The following ATP2B2 variants were observed in gnomAD, a reference collection of about 807,000 sequenced individuals.
The protein encoded by ATP2B2 is ATPase plasma membrane Ca2+ transporting 2, also known as plasma membrane calcium-transporting ATPase 2.
ATP2B2 carries 15 observed loss-of-function variants against 120.0 expected under a neutral mutation model. That is an observed-to-expected ratio of 0.12 (90% CI 0.08 to 0.19). ATP2B2 has a LOEUF of 0.19. Ranked by LOEUF, ATP2B2 falls within the 10% of genes least tolerant of loss-of-function variation. ATP2B2 has a pLI of 1.00. For missense variants in ATP2B2, 1,045 were observed against 1,719.8 expected, an observed-to-expected ratio of 0.61 and a Z score of 6.94; for synonymous variants, 694 against 700.3, an observed-to-expected ratio of 0.99 and a Z score of 0.14.
At chr3:10,476,426 A>C (rs1200068206) in intron 1 of ATP2B2, among the ~76,000 whole-genome samples, 1 of 152,238 alleles carries the variant, frequency 6.6e-6, no homozygotes, top group African/African-American at 2.4e-5. Context: ...GGCCGTGTAG[A>C]AATAGCACCA....
intron 3 of ATP2B2, among the ~76,000 whole-genome samples, chr3:10,517,822 C>G (rs117742020): frequency 6.6e-6 from 1 of 152,206 alleles, no homozygotes; most frequent in African/African-American, 2.4e-5. Context: ...TGGCTCTAGG[C>G]ACTGTGCCGG....
chr3:10,582,212 G>T (rs1010455223), intron 2 of ATP2B2, among the ~76,000 whole-genome samples: 2 of 152,166 alleles, frequency 1.3e-5, no homozygotes, highest in Non-Finnish European at 2.9e-5. Flanking sequence ...GGGGGACCGG[G>T]GATCTGGGCG....
intron 1 of ATP2B2, among the ~76,000 whole-genome samples, chr3:10,465,819 C>G (rs1055919045): frequency 6.6e-6 from 1 of 152,188 alleles, no homozygotes; most frequent in Non-Finnish European, 1.5e-5. Context: ...GGTTGGGGGG[C>G]GTGTGCAGGT....
chr3:10,654,337 G>T (rs1575595437), intron 1 of ATP2B2, among the ~76,000 whole-genome samples: 1 of 152,094 alleles, frequency 6.6e-6, no homozygotes, highest in East Asian at 1.9e-4. Flanking sequence ...TGTAACCCAG[G>T]GCCTACTTAG....
chr3:10,428,692 A>G (rs1188754902), intron 2 of ATP2B2, among the ~76,000 whole-genome samples: 1 of 152,234 alleles, frequency 6.6e-6, no homozygotes, highest in Non-Finnish European at 1.5e-5. Context: ...AAAAAGCAAG[A>G]TGAACAGAAG....
rs184120377 is a variant in ATP2B2 at position 10,635,702 on chromosome 3, C to A, written c.-459-15741G>T. 1.6e-3 allele frequency among the ~76,000 whole-genome samples: 247 copies of A among 152,336 alleles called. No individual in the cohort carries two copies. Among genetic ancestry groups the A allele is most frequent in the Admixed American group, 0.011 (175 of 15,308 alleles). On this transcript the variant is annotated intron_variant, in intron 1 of 21. Coordinates refer to the ATP2B2 transcript ENST00000646379. The surrounding 1 kb of genome is among the most constrained non-coding windows in gnomAD (Gnocchi z 4.3). The stretch of plus-strand genomic sequence containing the variant: ...TCCTCAGGCCTCCTTCCATACAGCC[C>A]TGTGCCTGCCTGACCAGGATTGTGC...
chr3:10,358,847 C>T lies in ATP2B2; in HGVS notation c.1980G>A (p.Val660=). The T allele has an allele frequency of 1.9e-6, 3 of 1,614,222 alleles. No homozygotes were observed. Among genetic ancestry groups the T allele is most frequent in the Non-Finnish European group, 1.7e-6 (2 of 1,180,040 alleles). The change falls in exon 14 of 23, where the codon GTG becomes GTA. Residue 660 remains valine (V), a synonymous_variant. Coordinates refer to ENST00000360273, the MANE Select transcript of ATP2B2 (RefSeq NM_001001331.4). ...GCCCATCGCAAGCCATGGGCTCAAT[C>T]ACCTTCTTTACCATCTCGTCCCGGT... is the stretch of plus-strand genomic sequence containing the variant. ...PRDRDEMVKK[V]IEPMACDGLR... is the part of the protein sequence containing the mutation.
intron 1 of ATP2B2, among the ~76,000 whole-genome samples, chr3:10,649,997 C>T (rs111979036): frequency 1.6e-4 from 24 of 152,238 alleles, no homozygotes; most frequent in Admixed American, 2.6e-4. Flanking sequence ...AGATCGGCAG[C>T]GTGAAAACAG....
chr3:10,377,115 G>C (rs1448959087), intron 10 of ATP2B2, among the ~76,000 whole-genome samples: 1 of 152,222 alleles, frequency 6.6e-6, no homozygotes, highest in Admixed American at 6.5e-5. Context: ...GTGCAGGAGG[G>C]AGAGGAGTGA....
intron 2 of ATP2B2, among the ~76,000 whole-genome samples, chr3:10,430,972 C>A (rs1033658352): frequency 6.6e-6 from 1 of 151,456 alleles, no homozygotes; most frequent in Non-Finnish European, 1.5e-5. Context: ...CAAATGCATC[C>A]CAGTGAGGAA....
At chr3:10,519,895 G>A (rs1359823730) in intron 3 of ATP2B2, among the ~76,000 whole-genome samples, 1 of 152,224 alleles carries the variant, frequency 6.6e-6, no homozygotes, top group Non-Finnish European at 1.5e-5. Context: ...TGCCTAGCAA[G>A]TGGCAGGACT....
intron 1 of ATP2B2, among the ~76,000 whole-genome samples, chr3:10,462,147 A>T (rs2064519234): frequency 1.3e-5 from 2 of 151,956 alleles, no homozygotes; most frequent in Non-Finnish European, 2.9e-5. Flanking sequence ...CGACCTTTCC[A>T]CCACGGCCTT....
intron 2 of ATP2B2, chr3:10,566,333 T>C (rs2068008647): frequency 1.3e-5 from 2 of 152,338 alleles, no homozygotes; most frequent in South Asian, 4.1e-4. Flanking sequence ...AGGGCCTTTG[T>C]TTCTATCCAC....
intron 8 of ATP2B2, among the ~76,000 whole-genome samples, chr3:10,384,636 A>G (rs2061621400): frequency 6.6e-6 from 1 of 151,974 alleles, no homozygotes; most frequent in African/African-American, 2.4e-5. Context: ...GACCCAGGAC[A>G]AACGCTCCAG....
rs1187394594 is a variant in ATP2B2, at chr3:10,585,952, A to G, written c.-415+33965T>C. 2.6e-5 allele frequency among the ~76,000 whole-genome samples: 4 copies of G among 152,292 alleles called. No homozygotes were observed. The South Asian group carries it at 6.2e-4, about 24-fold the overall frequency. ...TCTGTTTAACCATGGGCTATCTCCT[A>G]TCTCCAATCTAGAACCTTGCCTGGC... On this transcript the variant is annotated intron_variant, in intron 2 of 21. Coordinates refer to the ATP2B2 transcript ENST00000646379.
intron 1 of ATP2B2, among the ~76,000 whole-genome samples, chr3:10,497,659 A>C (rs1038478631): frequency 1.3e-5 from 2 of 152,232 alleles, no homozygotes; most frequent in Non-Finnish European, 2.9e-5. Flanking sequence ...GTGCTGGGTC[A>C]CACAGCATGG....
At chr3:10,384,526 G>A (rs1329408304) in intron 8 of ATP2B2, among the ~76,000 whole-genome samples, 25 of 152,140 alleles carry the variant, frequency 1.6e-4, no homozygotes, top group Admixed American at 1.6e-3. Context: ...AAGGCTTTGG[G>A]GGCAAGTGAA....
At chr3:10,439,024 G>T (rs1431590962) in intron 2 of ATP2B2, among the ~76,000 whole-genome samples, 1 of 152,220 alleles carries the variant, frequency 6.6e-6, no homozygotes, top group Non-Finnish European at 1.5e-5. Flanking sequence ...GGGCCCTGAA[G>T]CTGCTTGGTA....
intron 1 of ATP2B2, among the ~76,000 whole-genome samples, chr3:10,455,614 G>A (rs769789187): frequency 1.1e-4 from 17 of 152,230 alleles, no homozygotes; most frequent in Non-Finnish European, 1.9e-4. Flanking sequence ...CCTCCCTCAT[G>A]GTTGCAATGA....
Sources: allele counts gnomAD v4.1 joint callset (sites outside exome capture counted in the v4.1 genomes callset), GRCh38; gene constraint gnomAD v4.1.1; non-coding constraint Gnocchi (gnomAD v3.1); transcripts MANE v1.5; gene names NCBI Gene and HGNC (gene_info 2026-07-23, HGNC 2026-07-21).